The following STK3 variants were observed in gnomAD, a reference collection of about 807,000 sequenced individuals.
STK3 encodes the protein serine/threonine kinase 3.
A neutral mutation model predicts 58.0 loss-of-function variants in STK3; 41 were observed. That is an observed-to-expected ratio of 0.71 (90% CI 0.55 to 0.92). STK3 has a LOEUF of 0.92. STK3 is among the 40% of genes least tolerant of loss of function. The probability of loss-of-function intolerance (pLI) is 0.00; values close to 1 mark genes in which losing one functional copy is unlikely to be tolerated. For missense variants in STK3, 479 were observed against 602.7 expected, an observed-to-expected ratio of 0.79 and a Z score of 2.15; for synonymous variants, 170 against 191.0, an observed-to-expected ratio of 0.89 and a Z score of 0.91.
At chr8:98,384,216 C>T (rs1020964621) in intron 1 of STK3, among the ~76,000 whole-genome samples, 6 of 152,168 alleles carry the variant, frequency 3.9e-5, no homozygotes, top group African/African-American at 1.2e-4. Context: ...GGTCACAGGC[C>T]AATCCTTCAT....
chr8:98,787,320 CAGA>C (rs1349554466), intron 1 of STK3, among the ~76,000 whole-genome samples: 1 of 150,298 alleles, frequency 6.7e-6, no homozygotes, highest in East Asian at 2.0e-4. Context: ...ATCAAACAAG[CAGA>C]AGAACGAACT....
intron 6 of STK3, among the ~76,000 whole-genome samples, chr8:98,658,801 A>G (rs1821743410): frequency 6.6e-6 from 1 of 152,056 alleles, no homozygotes; most frequent in Non-Finnish European, 1.5e-5. Context: ...AATGAGACAA[A>G]TCCACAGGTT....
chr8:98,789,126 A>C (rs1362558730), intron 1 of STK3, among the ~76,000 whole-genome samples: 1 of 152,244 alleles, frequency 6.6e-6, no homozygotes, highest in Admixed American at 6.5e-5. Flanking sequence ...AATCATGCAA[A>C]TACATGGAAA....
intron 1 of STK3, among the ~76,000 whole-genome samples, chr8:98,777,969 G>A (rs1016950190): frequency 6.6e-6 from 1 of 152,312 alleles, no homozygotes; most frequent in South Asian, 2.1e-4. Context: ...ATAGGCATGG[G>A]TAAGGACTTC....
At chr8:98,529,285 A>G (rs1457129338) in intron 9 of STK3, among the ~76,000 whole-genome samples, 1 of 151,234 alleles carries the variant, frequency 6.6e-6, no homozygotes. Flanking sequence ...AAAAAACAAA[A>G]GGGGGGGGGA....
intron 9 of STK3, among the ~76,000 whole-genome samples, chr8:98,531,361 T>A (rs1826160462): frequency 6.6e-6 from 1 of 152,192 alleles, no homozygotes; most frequent in South Asian, 2.1e-4. Context: ...ACCCCTTGGG[T>A]GACCAGGTGC....
upstream of STK3, among the ~76,000 whole-genome samples, chr8:98,829,466 T>G (rs1054021212): frequency 6.6e-6 from 1 of 152,186 alleles, no homozygotes; most frequent in African/African-American, 2.4e-5. Flanking sequence ...ATTTCTGAGG[T>G]CTTTCCTCAA....
intron 3 of STK3, among the ~76,000 whole-genome samples, chr8:98,422,743 G>A (rs1381542356): frequency 1.3e-5 from 2 of 152,138 alleles, no homozygotes; most frequent in Admixed American, 6.5e-5. Flanking sequence ...CGAGTGAGAC[G>A]CAGACCCCAT....
At chr8:98,641,157 C>A (rs1819987874) in intron 6 of STK3, among the ~76,000 whole-genome samples, 1 of 152,066 alleles carries the variant, frequency 6.6e-6, no homozygotes. Flanking sequence ...TACTAACATA[C>A]AATGTTTAAG....
intron 6 of STK3, among the ~76,000 whole-genome samples, chr8:98,652,734 A>G (rs1449814293): frequency 1.3e-5 from 2 of 150,016 alleles, no homozygotes; most frequent in African/African-American, 4.9e-5. Flanking sequence ...AGAGACAAAG[A>G]AGGCCATTAC....
the STK3 span, among the ~76,000 whole-genome samples, chr8:98,347,890 G>C: frequency 6.6e-6 from 1 of 152,150 alleles, no homozygotes; most frequent in Non-Finnish European, 1.5e-5. Flanking sequence ...GTCCCTGCAA[G>C]ATATTTTGTA....
intron 1 of STK3, among the ~76,000 whole-genome samples, chr8:98,938,875 G>C (rs1423944936): frequency 6.6e-6 from 1 of 152,124 alleles, no homozygotes; most frequent in Non-Finnish European, 1.5e-5. Flanking sequence ...AGGAAGGCAG[G>C]CAAGTGTTAC....
chr8:98,917,722 T>C (rs1165220842), intron 1 of STK3, among the ~76,000 whole-genome samples: 2 of 152,134 alleles, frequency 1.3e-5, no homozygotes, highest in Non-Finnish European at 2.9e-5. Flanking sequence ...GGTATTCTGT[T>C]ATAACAACCC....
intron 1 of STK3, among the ~76,000 whole-genome samples, chr8:98,935,905 A>G (rs1234199280): frequency 6.6e-6 from 1 of 151,440 alleles, no homozygotes; most frequent in African/African-American, 2.4e-5. Flanking sequence ...TTATTTATTT[A>G]TTTTTGTTTT....
intron 1 of STK3, among the ~76,000 whole-genome samples, chr8:98,447,589 T>C (rs1046731723): frequency 7.5e-5 from 11 of 147,528 alleles, no homozygotes; most frequent in African/African-American, 2.7e-4. Context: ...ATACTATATA[T>C]AGTATCTATA....
At chr8:98,618,996 C>T (rs1443938870) in intron 6 of STK3, among the ~76,000 whole-genome samples, 8 of 149,020 alleles carry the variant, frequency 5.4e-5, no homozygotes, top group South Asian at 4.3e-4. Context: ...AAAAAGAGCC[C>T]GCATCGCCAA....
intron 10 of STK3, among the ~76,000 whole-genome samples, chr8:98,499,115 T>C (rs1445536099): frequency 6.6e-6 from 1 of 152,096 alleles, no homozygotes; most frequent in African/African-American, 2.4e-5. Context: ...AGGGAAAAGA[T>C]GCTACACTGC....
chr8:98,411,011 C>A (rs1474452349), intron 3 of STK3, among the ~76,000 whole-genome samples: 1 of 152,186 alleles, frequency 6.6e-6, no homozygotes, highest in African/African-American at 2.4e-5. Flanking sequence ...CACCACCCCC[C>A]AGAAAGTCTG....
rs938648645 is a variant in STK3, at chr8:98,510,631, T to C, written c.1317+16111A>G. On this transcript the variant is annotated intron_variant, in intron 10 of 10. Coordinates refer to ENST00000419617, the MANE Select transcript of STK3 (RefSeq NM_006281.4). ...CATTTGAACAAACAAGAAAATGTCA[T>C]ACTGAAGGTAAATACATCAATTTAA... 3.3e-5 allele frequency among the ~76,000 whole-genome samples: 5 copies of C among 152,082 alleles called. No individual in the cohort carries two copies. The East Asian group carries it at 7.7e-4, about 23-fold the overall frequency.
Sources: allele counts gnomAD v4.1 joint callset (sites outside exome capture counted in the v4.1 genomes callset), GRCh38; gene constraint gnomAD v4.1.1; transcripts MANE v1.5; gene names NCBI Gene and HGNC (gene_info 2026-07-23, HGNC 2026-07-21).